The following EPB41L4A variants were observed in gnomAD, a reference collection of about 807,000 sequenced individuals.
EPB41L4A encodes erythrocyte membrane protein band 4.1 like 4A, also known as band 4.1-like protein 4A.
Under a neutral mutation model 108.6 loss-of-function variants are expected in EPB41L4A, and 100 were observed. That is an observed-to-expected ratio of 0.92 (90% CI 0.78 to 1.09). EPB41L4A has a LOEUF of 1.09. Ranked by LOEUF, EPB41L4A falls within the 50% of genes least tolerant of loss-of-function variation. The pLI is 0.00. For missense variants in EPB41L4A, 1,030 were observed against 842.7 expected, an observed-to-expected ratio of 1.22 and a Z score of -2.75; for synonymous variants, 319 against 289.0, an observed-to-expected ratio of 1.10 and a Z score of -1.05.
At position 112,168,911 on chromosome 5, in the gene EPB41L4A, A is replaced by C; in HGVS notation, c.1850+84T>G. On this transcript the variant is annotated intron_variant, in intron 21 of 22. Coordinates refer to ENST00000261486, the MANE Select transcript of EPB41L4A (RefSeq NM_022140.5). ...GAGAACTACAGTGTAGATATAAAACATTTCCATCAGCAAGTAAAGTTCTTT... is the reference window on the plus strand; with the variant it reads ...GAGAACTACAGTGTAGATATAAAACCTTTCCATCAGCAAGTAAAGTTCTTT... 12 of 1,490,288 alleles carry C rather than the reference A, an allele frequency of 8.1e-6. No homozygotes were observed. In the South Asian group the frequency reaches 1.4e-4, roughly 17 times the overall value. 92.3% of individuals were successfully genotyped at this position (1,490,288 alleles called of 1,614,324 possible).
chr5:112,205,274 C>CA, intron 14 of EPB41L4A, 147 bp downstream of exon 14: 1 of 756,948 alleles, frequency 1.3e-6, no homozygotes. Flanking sequence ...GCCCCTCTCC[C>CA]CTGGGTCACA....
chr5:112,330,004 C>T (rs764020757), intron 1 of EPB41L4A, among the ~76,000 whole-genome samples: 25 of 152,216 alleles, frequency 1.6e-4, no homozygotes, highest in Middle Eastern at 3.4e-3. Context: ...ATAATATCTG[C>T]CCAACTGCAC....
chr5:112,163,016 T>C lies in EPB41L4A; in HGVS notation c.*1974A>G, dbSNP rs573882346. 1 of 152,222 alleles carries C rather than the reference T, an allele frequency of 6.6e-6. No individual in the cohort carries two copies. Among genetic ancestry groups the C allele is most frequent in the Admixed American group, 6.5e-5 (1 of 15,276 alleles). 9.4% of individuals were successfully genotyped at this position (152,222 alleles called of 1,614,324 possible). A position where few individuals can be genotyped will look rare whatever the true frequency, so the allele number is the denominator to read the frequency against. On this transcript the variant is annotated 3_prime_UTR_variant, in exon 23 of 23. Transcript: ENST00000261486. ...AGGTGAGAGTGTTACAAAATGAGGC[T>C]GAAGAGGTAGGTAAAGAAGCCAGAC...
chr5:112,406,948 G>A (rs1762108870), intron 1 of EPB41L4A, among the ~76,000 whole-genome samples: 1 of 152,076 alleles, frequency 6.6e-6, no homozygotes, highest in African/African-American at 2.4e-5. Context: ...TTGTAATTAT[G>A]TCAGCTCTTC....
chr5:112,229,987 C>CAAAAAAA (rs71224877), intron 12 of EPB41L4A, among the ~76,000 whole-genome samples: 8 of 77,226 alleles, frequency 1.0e-4, no homozygotes, highest in Non-Finnish European at 1.8e-4. Context: ...GACTCTGTCT[C>CAAAAAAA]AAAAAAAAAA....
In EPB41L4A at chr5:112,417,344, T is replaced by C. The variant is rs192379113; in HGVS notation, c.99+1597A>G. ...TGATGATTAAATAGGAAGCTCACATTCCAGATGACTTTAGACTCCAGATAA... is the reference window on the plus strand; with the variant it reads ...TGATGATTAAATAGGAAGCTCACATCCCAGATGACTTTAGACTCCAGATAA... On this transcript the variant is annotated intron_variant, in intron 1 of 22. Coordinates refer to ENST00000261486, the MANE Select transcript of EPB41L4A (RefSeq NM_022140.5). 3.9e-3 allele frequency among the ~76,000 whole-genome samples: 591 copies of C among 152,336 alleles called. 9 individuals are homozygous for C. Among genetic ancestry groups the C allele is most frequent in the Non-Finnish European group, 3.1e-3 (212 of 68,018 alleles).
At chr5:112,246,845 C>T (rs564939449) in intron 9 of EPB41L4A, among the ~76,000 whole-genome samples, 1 of 152,156 alleles carries the variant, frequency 6.6e-6, no homozygotes, top group Admixed American at 6.6e-5. Context: ...TCCCTACCCC[C>T]CTCTTACATG....
chr5:112,240,858 G>A (rs1170083088), intron 9 of EPB41L4A, 48 bp from the exon 10 acceptor site: 1 of 1,186,860 alleles, frequency 8.4e-7, no homozygotes, highest in East Asian at 2.5e-5. Flanking sequence ...AGGGAAGGAA[G>A]ATAGCATTCT....
At chr5:112,348,447 A>G (rs1164864078) in intron 1 of EPB41L4A, among the ~76,000 whole-genome samples, 3 of 152,216 alleles carry the variant, frequency 2.0e-5, no homozygotes, top group African/African-American at 7.2e-5. Context: ...CTTTATGGGA[A>G]GCCATTTTGT....
At chr5:112,306,818 GACCCTC>G (rs1754714485) in intron 2 of EPB41L4A, among the ~76,000 whole-genome samples, 1 of 146,050 alleles carries the variant, frequency 6.8e-6, no homozygotes, top group African/African-American at 2.7e-5. Context: ...CGGACTGGAA[GACCCTC>G]TGAATTAACC....
chr5:112,170,269 G>C, intron 20 of EPB41L4A, 32 bp downstream of exon 20: 1 of 1,600,330 alleles, frequency 6.2e-7, no homozygotes, highest in Non-Finnish European at 8.6e-7. Flanking sequence ...CACTAATAAA[G>C]CTTTGGTGAG....
intron 9 of EPB41L4A, among the ~76,000 whole-genome samples, chr5:112,249,942 G>A (rs1456493538): frequency 1.3e-5 from 2 of 152,108 alleles, no homozygotes; most frequent in Non-Finnish European, 2.9e-5. Flanking sequence ...TTCTTTCAGG[G>A]AAGTGTATGG....
intron 1 of EPB41L4A, among the ~76,000 whole-genome samples, chr5:112,382,961 GAGCAAACAAGTTGTA>G (rs1459894164): frequency 6.6e-6 from 1 of 152,174 alleles, no homozygotes; most frequent in African/African-American, 2.4e-5. Context: ...AAATGCTTCG[GAGCAAACAAGTTGTA>G]AGAAGCCAGC....
chr5:112,367,543 C>T (rs1580771035), intron 1 of EPB41L4A, among the ~76,000 whole-genome samples: 1 of 152,178 alleles, frequency 6.6e-6, no homozygotes. Flanking sequence ...GAATTTCCCA[C>T]TCCGCATCCC....
At chr5:112,272,537 T>C (rs1225253978) in intron 4 of EPB41L4A, among the ~76,000 whole-genome samples, 1 of 151,584 alleles carries the variant, frequency 6.6e-6, no homozygotes, top group African/African-American at 2.4e-5. Flanking sequence ...TACAGCACTT[T>C]GGGAGGCCAA....
At chr5:112,288,385 C>A (rs1053755054) in intron 2 of EPB41L4A, among the ~76,000 whole-genome samples, 4 of 152,154 alleles carry the variant, frequency 2.6e-5, no homozygotes, top group East Asian at 3.8e-4. Context: ...TGAAAAGAGG[C>A]CTTTGAACTC....
chr5:112,313,554 G>A (rs529819692), intron 1 of EPB41L4A, among the ~76,000 whole-genome samples: 7 of 152,252 alleles, frequency 4.6e-5, no homozygotes, highest in African/African-American at 1.7e-4. Flanking sequence ...TCATGCCATT[G>A]CACTGCAGCC....
intron 22 of EPB41L4A, among the ~76,000 whole-genome samples, chr5:112,168,358 C>G (rs1282969627): frequency 6.6e-6 from 1 of 152,226 alleles, no homozygotes; most frequent in East Asian, 1.9e-4. Context: ...ATTCTTCTGT[C>G]TGCTATCAGT....
At chr5:112,292,842 T>TA (rs1753738387) in intron 2 of EPB41L4A, among the ~76,000 whole-genome samples, 1 of 152,194 alleles carries the variant, frequency 6.6e-6, no homozygotes, top group African/African-American at 2.4e-5. Flanking sequence ...TCATTAACTC[T>TA]AAAATCACTG....
Sources: allele counts gnomAD v4.1 joint callset (sites outside exome capture counted in the v4.1 genomes callset), GRCh38; gene constraint gnomAD v4.1.1; transcripts MANE v1.5; gene names NCBI Gene and HGNC (gene_info 2026-07-23, HGNC 2026-07-21).